Variants in MICAL2 observed in about 807,000 individuals in gnomAD.
MICAL2 encodes the protein [F-actin]-monooxygenase MICAL2.
MICAL2 carries 77 observed loss-of-function variants against 127.3 expected under a neutral mutation model. The observed-to-expected ratio is 0.60, with a 90% CI of 0.50 to 0.73. The LOEUF (loss-of-function observed/expected upper bound fraction) is 0.73. Among genes scored for constraint, MICAL2 ranks in the 30% least tolerant of loss-of-function variants. The pLI is 0.00. For missense variants in MICAL2, 1,351 were observed against 1,434.4 expected (o/e 0.94, Z 0.94); for synonymous variants, 570 against 551.1 (o/e 1.03, Z -0.48).
chr11:12,313,961 A>AATTTTT (rs1177699989), intron 29 of MICAL2, among the ~76,000 whole-genome samples: 1 of 43,792 alleles, frequency 2.3e-5, no homozygotes, highest in African/African-American at 9.3e-5. Flanking sequence ...TCTTGGTCTG[A>AATTTTT]TTTTTTTTTT....
At chr11:12,220,563 C>G in intron 9 of MICAL2, 105 bp downstream of exon 9, 1 of 1,456,820 alleles carries the variant, frequency 6.9e-7, no homozygotes, top group South Asian at 1.4e-5. Flanking sequence ...AGGACAGGCT[C>G]TCAGCCAGTT....
At chr11:12,167,298 G>A (rs1006568497) in intron 3 of MICAL2, among the ~76,000 whole-genome samples, 1 of 152,196 alleles carries the variant, frequency 6.6e-6, no homozygotes, top group Non-Finnish European at 1.5e-5. Flanking sequence ...TTAGAAGGAT[G>A]TGACTGTATT....
intron 29 of MICAL2, among the ~76,000 whole-genome samples, chr11:12,304,294 C>A (rs527254023): frequency 1.3e-5 from 2 of 152,140 alleles, no homozygotes; most frequent in African/African-American, 2.4e-5. Flanking sequence ...GGTTTACTTT[C>A]TTCCATGTTG....
chr11:12,212,663 A>G (rs1157592852), intron 6 of MICAL2, among the ~76,000 whole-genome samples: 1 of 152,100 alleles, frequency 6.6e-6, no homozygotes, highest in African/African-American at 2.4e-5. Flanking sequence ...ACCTCATCTT[A>G]GCTAATTACA....
chr11:12,252,265 T>C (rs1232089933), intron 22 of MICAL2, among the ~76,000 whole-genome samples: 1 of 152,218 alleles, frequency 6.6e-6, no homozygotes, highest in Non-Finnish European at 1.5e-5. Context: ...TTCTTGGCAT[T>C]TGTGGCCTCC....
rs1862225689 is a variant in MICAL2, at chr11:12,255,634, C to G, written c.2848-9C>G. ...TGTCTCTGTCTCCTCTGCCTCTGCT[C>G]TTGGTTAGCTGACGGTAGGGAAAGT... On this transcript the variant is annotated splice_polypyrimidine_tract_variant and intron_variant, in intron 22 of 27. Coordinates refer to ENST00000683283, the MANE Select transcript of MICAL2 (RefSeq NM_001282663.2). 5 of 1,613,756 alleles carry G rather than the reference C, an allele frequency of 3.1e-6. No individual in the cohort carries two copies. The highest frequency in any genetic ancestry group is 3.4e-6 in the Non-Finnish European group (4 of 1,179,772).
chr11:12,267,751 G>A (rs1326276964), downstream of MICAL2, among the ~76,000 whole-genome samples: 6 of 152,082 alleles, frequency 3.9e-5, no homozygotes, highest in Admixed American at 6.6e-5. Context: ...ACAGGCACCC[G>A]CCACCACACC....
At chr11:12,326,819 G>C (rs934021033) in intron 31 of MICAL2, among the ~76,000 whole-genome samples, 2 of 152,192 alleles carry the variant, frequency 1.3e-5, no homozygotes, top group African/African-American at 4.8e-5. Context: ...AGTGGCTGCA[G>C]CTCCAATCAT....
intron 26 of MICAL2, chr11:12,260,283 T>C (rs1022605377): frequency 7.0e-7 from 1 of 1,429,682 alleles, no homozygotes; most frequent in Non-Finnish European, 9.1e-7. Context: ...TCTAAGCAAT[T>C]AGCTCAAAGC....
At chr11:12,230,253 A>G (rs1858054629) in intron 15 of MICAL2, among the ~76,000 whole-genome samples, 1 of 152,224 alleles carries the variant, frequency 6.6e-6, no homozygotes, top group South Asian at 2.1e-4. Context: ...AGCAAAGAAC[A>G]GTGAGTCCAC....
intron 4 of MICAL2, among the ~76,000 whole-genome samples, chr11:12,205,447 C>G (rs1449222545): frequency 6.6e-6 from 1 of 152,170 alleles, no homozygotes; most frequent in African/African-American, 2.4e-5. Flanking sequence ...TTGAATTCCA[C>G]AGGGCCAACT....
intron 6 of MICAL2, 28 bp from the exon 7 acceptor site, chr11:12,213,227 A>T: frequency 3.8e-6 from 6 of 1,582,896 alleles, no homozygotes; most frequent in Non-Finnish European, 5.2e-6. Flanking sequence ...CAGAAGATAG[A>T]CCCACTTTTT....
intron 3 of MICAL2, among the ~76,000 whole-genome samples, chr11:12,192,031 C>A (rs1859223864): frequency 6.6e-6 from 1 of 151,988 alleles, no homozygotes; most frequent in Admixed American, 6.5e-5. Flanking sequence ...GAAATAACTT[C>A]TTGGAACCCC....
Position 12,248,843 on chromosome 11 carries a change from C to A in MICAL2, c.2785-341C>A, listed in dbSNP as rs76247509. On this transcript the variant is annotated intron_variant, in intron 21 of 27. Transcript: ENST00000683283. ...TATCCTGGGAATAGAGCTAGGCAAC[C>A]TTTTGGAGGTCTCCTGTGTGCATCC... 6.6e-3 allele frequency among the ~76,000 whole-genome samples: 966 copies of A among 146,062 alleles called. 9 individuals are homozygous for A. The highest frequency in any genetic ancestry group is 0.024 in the African/African-American group (933 of 39,510).
intron 1 of MICAL2, among the ~76,000 whole-genome samples, chr11:12,119,605 C>T (rs1199862445): frequency 6.6e-6 from 1 of 152,208 alleles, no homozygotes; most frequent in South Asian, 2.1e-4. Flanking sequence ...CCACTTCTGC[C>T]CCTTCTTTCC....
chr11:12,146,179 CA>C (rs1459782848), intron 2 of MICAL2, among the ~76,000 whole-genome samples: 8 of 152,064 alleles, frequency 5.3e-5, no homozygotes, highest in Non-Finnish European at 8.8e-5. Flanking sequence ...TCTAAAACAC[CA>C]AAAGCAATGG....
intron 29 of MICAL2, among the ~76,000 whole-genome samples, chr11:12,302,177 G>A (rs969157715): frequency 2.0e-5 from 3 of 152,124 alleles, no homozygotes; most frequent in Non-Finnish European, 2.9e-5. Context: ...CTTATGTCGC[G>A]AGTCTGTTCT....
chr11:12,135,810 G>T (rs773530975), intron 1 of MICAL2, among the ~76,000 whole-genome samples: 4 of 152,158 alleles, frequency 2.6e-5, no homozygotes, highest in Non-Finnish European at 4.4e-5. Context: ...CACAGTCTGG[G>T]GAGGGGCTGG....
chr11:12,139,675 C>T (rs1280797487), intron 2 of MICAL2, among the ~76,000 whole-genome samples: 1 of 152,144 alleles, frequency 6.6e-6, no homozygotes, highest in Non-Finnish European at 1.5e-5. Context: ...GGGAAAGACC[C>T]AGGCAAAGAG....
Sources: allele counts gnomAD v4.1 joint callset (sites outside exome capture counted in the v4.1 genomes callset), GRCh38; gene constraint gnomAD v4.1.1; transcripts MANE v1.5; gene names NCBI Gene and HGNC (gene_info 2026-07-23, HGNC 2026-07-21).